Variants in SH3PXD2A observed in about 807,000 individuals in gnomAD.
The protein encoded by SH3PXD2A is SH3 and PX domain-containing protein 2A.
A neutral mutation model predicts 115.2 loss-of-function variants in SH3PXD2A; 32 were observed. The ratio of observed to expected loss-of-function variants is 0.28; its 90% CI spans 0.21 to 0.37. The LOEUF is 0.37. Ranked by LOEUF, SH3PXD2A falls within the 10% of genes least tolerant of loss-of-function variation. The pLI, the probability that SH3PXD2A is intolerant of heterozygous loss-of-function variation, is 1.00. For missense variants in SH3PXD2A, 1,328 were observed against 1,498.7 expected (o/e 0.89, Z 1.88); for synonymous variants, 610 against 629.1 (o/e 0.97, Z 0.45).
intron 13 of SH3PXD2A, among the ~76,000 whole-genome samples, chr10:103,607,325 G>C (rs1195819859): frequency 6.6e-6 from 1 of 152,074 alleles, no homozygotes; most frequent in African/African-American, 2.4e-5. Context: ...GAAGTGAGGA[G>C]CCCCTCCGAC....
intron 4 of SH3PXD2A, among the ~76,000 whole-genome samples, chr10:103,728,885 G>GTTTTTTT (rs1170237835): frequency 1.0e-5 from 1 of 99,188 alleles, no homozygotes; most frequent in Non-Finnish European, 2.0e-5. Context: ...TGTTTTTTTT[G>GTTTTTTT]TTTGTTTGTT....
At chr10:103,848,091 G>A (rs536556972) in intron 1 of SH3PXD2A, among the ~76,000 whole-genome samples, 2 of 152,264 alleles carry the variant, frequency 1.3e-5, no homozygotes, top group East Asian at 1.9e-4. Flanking sequence ...GCGCATTCTC[G>A]CTCTTGCCAC....
rs2038307233 is a variant in SH3PXD2A, at chr10:103,730,841, GCA to G, written c.306+4889_306+4890del. Among the ~76,000 whole-genome samples the G allele has an allele frequency of 2.6e-5, 4 of 152,298 alleles. No individual in the cohort carries two copies. In the South Asian group the frequency reaches 8.3e-4, roughly 32 times the overall value. ...AGTTACCCTCCTGCAGAGGAGAAAT[GCA>G]CAGAGTCGGGGTGGGCGCAGTCCTC... On this transcript the variant is annotated intron_variant, in intron 4 of 14. Coordinates refer to ENST00000369774, the MANE Select transcript of SH3PXD2A (RefSeq NM_001394015.1).
rs781400333 is a variant in SH3PXD2A, at chr10:103,600,312, A to ACTT, written c.*1501_*1503dup. 1.3e-5 allele frequency: 2 copies of ACTT among 152,572 alleles called. No homozygotes were observed. The highest frequency in any genetic ancestry group is 2.9e-5 in the Non-Finnish European group (2 of 68,050). 9.5% of individuals were successfully genotyped at this position (152,572 alleles called of 1,614,324 possible). ...AAAGGTGACAGAGGACCTACAGGGA[A>ACTT]CTTTATTCTCTCGCTTCTGTCTTCA... On this transcript the variant is annotated 3_prime_UTR_variant, in exon 15 of 15. Coordinates refer to ENST00000369774, the MANE Select transcript of SH3PXD2A (RefSeq NM_001394015.1).
intron 6 of SH3PXD2A, among the ~76,000 whole-genome samples, chr10:103,681,019 A>C (rs2037601477): frequency 6.6e-6 from 1 of 152,158 alleles, no homozygotes; most frequent in Admixed American, 6.5e-5. Flanking sequence ...TATAAACCAA[A>C]CGCTGAAGTG....
At chr10:103,836,303 TAC>T (rs138763272) in intron 1 of SH3PXD2A, among the ~76,000 whole-genome samples, 5 of 151,742 alleles carry the variant, frequency 3.3e-5, no homozygotes, top group Non-Finnish European at 5.9e-5. Context: ...CAGCTTTTAT[TAC>T]ACACACACAC....
chr10:103,722,264 A>T (rs2038191102), intron 5 of SH3PXD2A, among the ~76,000 whole-genome samples: 1 of 147,964 alleles, frequency 6.8e-6, no homozygotes, highest in East Asian at 2.0e-4. Context: ...AGATTGCTCC[A>T]CTGCACTCCA....
chr10:103,603,714 T>C lies in SH3PXD2A; in HGVS notation c.1504A>G (p.Ile502Val). The change falls in exon 15 of 15, where the codon ATC becomes GTC. Residue 502 changes from isoleucine (I) to valine (V), a missense_variant. Ile to Val is a conservative substitution (Grantham distance 29, BLOSUM62 3). This residue lies in a region of SH3PXD2A where 509 missense variants were observed against 628.3 expected (regional missense o/e 0.81). Coordinates refer to ENST00000369774, the MANE Select transcript of SH3PXD2A (RefSeq NM_001394015.1). ...EKEGWAPASYIDKRKKPNLSR... is the reference protein window; with the variant it reads ...EKEGWAPASYVDKRKKPNLSR... ...AGGTTGGGCTTCTTGCGCTTATCGA[T>C]GTATGATGCGGGGGCCCAGCCCTCC... The C allele has an allele frequency of 6.2e-7, 1 of 1,611,018 alleles. No homozygotes were observed.
chr10:103,681,602 G>C (rs927603248), intron 6 of SH3PXD2A, among the ~76,000 whole-genome samples: 1 of 152,152 alleles, frequency 6.6e-6, no homozygotes, highest in Non-Finnish European at 1.5e-5. Flanking sequence ...AAATTAGCCA[G>C]GTGTTGTGGA....
intron 1 of SH3PXD2A, among the ~76,000 whole-genome samples, chr10:103,854,414 G>A (rs944135646): frequency 3.9e-5 from 6 of 152,110 alleles, no homozygotes; most frequent in Non-Finnish European, 7.4e-5. Context: ...GAGATGAAAG[G>A]GGAACTGTCA....
At chr10:103,791,431 C>T (rs2039035213) in intron 2 of SH3PXD2A, among the ~76,000 whole-genome samples, 2 of 152,214 alleles carry the variant, frequency 1.3e-5, no homozygotes, top group Non-Finnish European at 2.9e-5. Flanking sequence ...ATTTCCCACA[C>T]AGACCCACAG....
At chr10:103,771,068 C>G (rs965755654) in intron 2 of SH3PXD2A, among the ~76,000 whole-genome samples, 10 of 152,138 alleles carry the variant, frequency 6.6e-5, no homozygotes, top group Non-Finnish European at 1.2e-4. Context: ...ACAGAGATGT[C>G]TGAGGAGAGA....
intron 11 of SH3PXD2A, among the ~76,000 whole-genome samples, chr10:103,613,645 A>C (rs1015967277): frequency 6.6e-6 from 1 of 152,210 alleles, no homozygotes; most frequent in Admixed American, 6.5e-5. Flanking sequence ...TTGACTCCAG[A>C]AGGTGAGAGT....
At position 103,603,056 on chromosome 10, in the gene SH3PXD2A, C is replaced by A. The variant is rs776241188; in HGVS notation, c.2162G>T (p.Arg721Leu). Residue 721 changes from arginine to leucine, a missense_variant, in exon 15 of 15, where the codon CGC (arginine) becomes CTC (leucine). By Grantham distance (102) the Arg-to-Leu change is moderately radical. Around this residue, in one of 5 missense-constraint regions of SH3PXD2A, gnomAD observed 574 missense variants for 565.7 expected, o/e 1.01. Coordinates refer to ENST00000369774, the MANE Select transcript of SH3PXD2A (RefSeq NM_001394015.1). ...GCGGATGCCTGCGTCCGAAGCAGAGCGGGGCTTCAGGTCGCCACTGGTTTT... is the reference window on the plus strand; with the variant it reads ...GCGGATGCCTGCGTCCGAAGCAGAGAGGGGCTTCAGGTCGCCACTGGTTTT... ...LSKTSGDLKP[R>L]SASDAGIRGT... 1.9e-6 allele frequency: 3 copies of A among 1,613,738 alleles called. No individual in the cohort carries two copies. The highest frequency in any genetic ancestry group is 8.5e-7 in the Non-Finnish European group (1 of 1,180,034).
intron 1 of SH3PXD2A, among the ~76,000 whole-genome samples, chr10:103,829,430 G>A (rs2039464330): frequency 6.6e-6 from 1 of 152,150 alleles, no homozygotes; most frequent in African/African-American, 2.4e-5. Context: ...CATTTGTGAG[G>A]GTAAGAAGGT....
chr10:103,855,149 G>A, intron 1 of SH3PXD2A, 46 bp downstream of exon 1: 2 of 1,431,488 alleles, frequency 1.4e-6, no homozygotes, highest in South Asian at 1.3e-5. Flanking sequence ...GGGCCCTCCC[G>A]GGACCTCGGG....
rs750875523 is a variant in SH3PXD2A, at chr10:103,603,547, C to T, written c.1671G>A (p.Glu557=). The T allele has an allele frequency of 3.1e-6, 5 of 1,612,814 alleles. No individual in the cohort carries two copies. The highest frequency in any genetic ancestry group is 4.2e-6 in the Non-Finnish European group (5 of 1,179,288). Residue 557 remains glutamate, a synonymous_variant, in exon 15 of 15, where the codon GAG becomes GAA. Transcript: ENST00000369774. Reference sequence around the variant, plus strand: ...CAAAGCCGAATGCAGGGATGTCATACTCAGGCTCCTCATACTTGAGCTTCC... The same window carrying T: ...CAAAGCCGAATGCAGGGATGTCATATTCAGGCTCCTCATACTTGAGCTTCC... The part of the protein sequence containing the change: ...SPRKLKYEEP[E]YDIPAFGFDS...
At chr10:103,642,351 CA>C (rs2036968311) in intron 8 of SH3PXD2A, among the ~76,000 whole-genome samples, 3 of 152,138 alleles carry the variant, frequency 2.0e-5, no homozygotes, top group African/African-American at 7.2e-5. Context: ...ATTTGCTAGA[CA>C]GGGGTTAAAG....
intron 1 of SH3PXD2A, among the ~76,000 whole-genome samples, chr10:103,803,916 T>A (rs2039171532): frequency 1.3e-5 from 2 of 152,192 alleles, no homozygotes; most frequent in Admixed American, 1.3e-4. Context: ...ATTGGTTCCA[T>A]CTGGAAGGGT....
Sources: allele counts gnomAD v4.1 joint callset (sites outside exome capture counted in the v4.1 genomes callset), GRCh38; gene constraint gnomAD v4.1.1; regional missense constraint gnomAD v4.1.1; transcripts MANE v1.5; gene names NCBI Gene and HGNC (gene_info 2026-07-23, HGNC 2026-07-21).